STPG2: variants seen among roughly 807,000 people sequenced by gnomAD.
STPG2 encodes sperm-tail PG-rich repeat-containing protein 2.
STPG2 carries 56 observed loss-of-function variants against 54.2 expected under a neutral mutation model. That is an observed-to-expected ratio of 1.03 (90% CI 0.83 to 1.29). The LOEUF is 1.29. STPG2 is among the 50% of genes most tolerant of loss of function. The pLI is 0.00. For synonymous variants in STPG2, 200 were observed against 181.8 expected (o/e 1.10, Z -0.81); for missense variants, 596 against 544.9 (o/e 1.09, Z -0.93).
chr4:97,585,101 CAA>C lies in STPG2; in HGVS notation c.1321-25986_1321-25985del, dbSNP rs60854805. ...ACCAGGAAAGGACATAAAATATTCT[CAA>C]AAAAAAAAAAAAAAAAAAAAACAAA... On this transcript the variant is annotated intron_variant, in intron 10 of 10. Transcript: ENST00000295268. Among the ~76,000 whole-genome samples, 363 of 46,232 alleles carry C rather than the reference CAA, an allele frequency of 7.9e-3. 5 individuals carry two copies. Among genetic ancestry groups the C allele is most frequent in the African/African-American group, 0.033 (268 of 8,060 alleles). 30.3% of individuals were successfully genotyped at this position (46,232 alleles called of 152,430 possible). A position where few individuals can be genotyped will look rare whatever the true frequency, so the allele number is the denominator to read the frequency against.
At chr4:97,747,643 T>C (rs556827045) in intron 9 of STPG2, among the ~76,000 whole-genome samples, 3 of 151,586 alleles carry the variant, frequency 2.0e-5, no homozygotes, top group Non-Finnish European at 4.4e-5. Context: ...TTTTTACTCA[T>C]GAGATTTTAC....
chr4:98,135,892 A>G (rs1483185038), intron 1 of STPG2, among the ~76,000 whole-genome samples: 1 of 151,844 alleles, frequency 6.6e-6, no homozygotes, highest in Non-Finnish European at 1.5e-5. Context: ...CATTCCAAAT[A>G]CATATATAAA....
intron 10 of STPG2, among the ~76,000 whole-genome samples, chr4:97,598,127 C>G (rs367685650): frequency 1.3e-5 from 2 of 152,096 alleles, no homozygotes; most frequent in East Asian, 3.9e-4. Flanking sequence ...ATAATGCAAT[C>G]CCATTCACAA....
chr4:97,445,600 T>A (rs1353970197), intron 4 of STPG2, among the ~76,000 whole-genome samples: 3 of 152,208 alleles, frequency 2.0e-5, no homozygotes, highest in Non-Finnish European at 2.9e-5. Context: ...GGTATTCATT[T>A]TAGACTTACA....
chr4:97,770,034 A>G (rs759608643), intron 9 of STPG2, among the ~76,000 whole-genome samples: 69 of 152,088 alleles, frequency 4.5e-4, no homozygotes, highest in South Asian at 1.7e-3. Flanking sequence ...AACATGGCAA[A>G]ACCCCATCTC....
Position 97,695,855 on chromosome 4 carries a change from G to C in STPG2, c.1320+16844C>G, listed in dbSNP as rs187052566. ...CGAAACACTGCTGAAAGTAATGAAA[G>C]ACATCACAAATGGAAACACATTCCA... On this transcript the variant is annotated intron_variant, in intron 10 of 10. Coordinates refer to ENST00000295268, the MANE Select transcript of STPG2 (RefSeq NM_174952.3). Among the ~76,000 whole-genome samples, 33 of 151,480 alleles carry C rather than the reference G, an allele frequency of 2.2e-4. No homozygotes were observed. The East Asian group carries it at 6.2e-3, about 29-fold the overall frequency.
intron 8 of STPG2, among the ~76,000 whole-genome samples, chr4:97,923,951 T>C (rs1352713651): frequency 6.6e-6 from 1 of 152,168 alleles, no homozygotes; most frequent in African/African-American, 2.4e-5. Context: ...TGGGGCCAGA[T>C]AAGAGAATAA....
At chr4:98,141,851 G>A (rs572724740) in intron 1 of STPG2, among the ~76,000 whole-genome samples, 1 of 151,256 alleles carries the variant, frequency 6.6e-6, no homozygotes, top group South Asian at 2.1e-4. Context: ...TGCTTGGAGA[G>A]GGGGAGAAGA....
intron 1 of STPG2, among the ~76,000 whole-genome samples, chr4:98,138,918 T>C (rs988820485): frequency 2.6e-5 from 4 of 152,106 alleles, no homozygotes; most frequent in Non-Finnish European, 4.4e-5. Flanking sequence ...ATTACATAAA[T>C]AAGCCAAAAA....
At chr4:97,568,636 T>C (rs1732517154) in intron 10 of STPG2, among the ~76,000 whole-genome samples, 1 of 151,658 alleles carries the variant, frequency 6.6e-6, no homozygotes, top group Non-Finnish European at 1.5e-5. Flanking sequence ...CAAAGAGCAA[T>C]AGATAATAAT....
chr4:97,563,714 A>C (rs1578391001), intron 10 of STPG2, among the ~76,000 whole-genome samples: 2 of 152,288 alleles, frequency 1.3e-5, no homozygotes, highest in Admixed American at 6.5e-5. Context: ...GTCATTCAGG[A>C]GCAGGTTGCT....
At chr4:97,910,168 C>A (rs1731623211) in intron 8 of STPG2, among the ~76,000 whole-genome samples, 1 of 152,264 alleles carries the variant, frequency 6.6e-6, no homozygotes, top group Non-Finnish European at 1.5e-5. Context: ...ACTGTACTAA[C>A]AAGGTGACAT....
At chr4:97,798,247 C>G (rs1727267707) in intron 9 of STPG2, among the ~76,000 whole-genome samples, 2 of 152,074 alleles carry the variant, frequency 1.3e-5, no homozygotes, top group Admixed American at 1.3e-4. Flanking sequence ...TTTGCTCTTG[C>G]TTCTCTAGTT....
intron 10 of STPG2, among the ~76,000 whole-genome samples, chr4:97,660,330 A>C (rs1722343467): frequency 6.6e-6 from 1 of 152,120 alleles, no homozygotes; most frequent in South Asian, 2.1e-4. Context: ...ATATTGACGG[A>C]TCTGTTAAAT....
chr4:97,889,344 T>C (rs907062639), intron 8 of STPG2, among the ~76,000 whole-genome samples: 10 of 152,174 alleles, frequency 6.6e-5, no homozygotes, highest in Admixed American at 2.0e-4. Context: ...AGTAAATCAG[T>C]ATGTTGATGA....
chr4:97,869,449 T>C (rs563440762), intron 8 of STPG2, among the ~76,000 whole-genome samples: 1 of 151,712 alleles, frequency 6.6e-6, no homozygotes, highest in Non-Finnish European at 1.5e-5. Flanking sequence ...TTTAAACAGA[T>C]AAGCTTTTGA....
chr4:97,853,714 C>T (rs1361516311), intron 8 of STPG2, among the ~76,000 whole-genome samples: 1 of 152,176 alleles, frequency 6.6e-6, no homozygotes, highest in Non-Finnish European at 1.5e-5. Flanking sequence ...TCTTCCTTCC[C>T]TTCTCTTGAA....
chr4:97,576,747 G>C (rs1457438527), intron 10 of STPG2, among the ~76,000 whole-genome samples: 3 of 151,950 alleles, frequency 2.0e-5, no homozygotes, highest in African/African-American at 7.3e-5. Context: ...ATTGGCAAGT[G>C]GTACCTCATT....
rs560564860 is a variant in STPG2 at position 98,062,709 on chromosome 4, G to A, written c.612+43244C>T. Among the ~76,000 whole-genome samples, 7 of 151,914 alleles carry A rather than the reference G, an allele frequency of 4.6e-5. No homozygotes were observed. The East Asian group carries it at 7.7e-4, about 17-fold the overall frequency. On this transcript the variant is annotated intron_variant, in intron 5 of 10. Coordinates refer to ENST00000295268, the MANE Select transcript of STPG2 (RefSeq NM_174952.3). The stretch of plus-strand genomic sequence containing the variant: ...TGCAAAAGCAATTGCAGTTTTTGCC[G>A]TTACTTTGAATTAAAAGAAGATGAT...
Sources: gnomAD v4.1 joint callset for allele counts (sites outside exome capture counted in the v4.1 genomes callset) on GRCh38, gnomAD v4.1.1 for gene constraint, MANE v1.5 for transcripts, NCBI Gene and HGNC (gene_info 2026-07-23, HGNC 2026-07-21) for gene names.